SLC29A3: variants seen among roughly 807,000 people sequenced by gnomAD.
SLC29A3 encodes solute carrier family 29 member 3.
In SLC29A3, 18 loss-of-function variants were observed where a neutral mutation model predicts 25.4. The observed-to-expected ratio is 0.71, with a 90% CI of 0.49 to 1.05. SLC29A3 has a LOEUF of 1.05. Ranked by LOEUF, SLC29A3 falls within the 50% of genes least tolerant of loss-of-function variation. The pLI, the probability that SLC29A3 is intolerant of heterozygous loss-of-function variation, is 0.00. For missense variants in SLC29A3, 586 were observed against 609.0 expected (o/e 0.96, Z 0.40); for synonymous variants, 258 against 267.1 (o/e 0.97, Z 0.33).
chr10:71,342,426 A>C (rs373929306), intron 2 of SLC29A3, among the ~76,000 whole-genome samples: 12 of 152,376 alleles, frequency 7.9e-5, no homozygotes, highest in Admixed American at 5.2e-4. Context: ...CCAGTGGTCA[A>C]TATCCAAAAA....
At chr10:71,381,263 G>A (rs1417208) in exon 5 of SLC29A3, 34,702 of 152,074 alleles carry the variant, frequency 0.23, 4,050 homozygotes, top group Middle Eastern at 0.28. Flanking sequence ...TCTGCTGGGG[G>A]ATGTTGATAC....
At chr10:71,371,555 T>A (rs1165513563) in intron 3 of SLC29A3, among the ~76,000 whole-genome samples, 1 of 152,216 alleles carries the variant, frequency 6.6e-6, no homozygotes, top group Non-Finnish European at 1.5e-5. Context: ...CAAGCTACAG[T>A]GACCCGTCCT....
chr10:71,327,093 A>T (rs1208893843), intron 2 of SLC29A3, among the ~76,000 whole-genome samples: 1 of 152,180 alleles, frequency 6.6e-6, no homozygotes, highest in Non-Finnish European at 1.5e-5. Context: ...CACCACCTGC[A>T]ACTCAATTAG....
intron 2 of SLC29A3, among the ~76,000 whole-genome samples, chr10:71,331,248 A>C (rs542549568): frequency 9.9e-5 from 15 of 152,156 alleles, no homozygotes; most frequent in Non-Finnish European, 1.9e-4. Flanking sequence ...TTTGTCCTTG[A>C]GTTTGACCTT....
chr10:71,321,076 G>A (rs1011547494), intron 1 of SLC29A3, among the ~76,000 whole-genome samples: 1 of 152,184 alleles, frequency 6.6e-6, no homozygotes, highest in African/African-American at 2.4e-5. Context: ...TTAGGCTGTT[G>A]TCAGCCTCAA....
At chr10:71,378,573 C>G (rs1847278668) in intron 4 of SLC29A3, among the ~76,000 whole-genome samples, 1 of 152,202 alleles carries the variant, frequency 6.6e-6, no homozygotes, top group African/African-American at 2.4e-5. Context: ...TAGTCCCAAA[C>G]CAGCAGCAAA....
At chr10:71,319,504 T>C (rs1409457802) in intron 1 of SLC29A3, 194 bp downstream of exon 1, 1 of 422,514 alleles carries the variant, frequency 2.4e-6, no homozygotes, top group Non-Finnish European at 4.2e-6. Flanking sequence ...TCTTTCTGGG[T>C]CTCTATCTTC....
intron 5 of SLC29A3, among the ~76,000 whole-genome samples, chr10:71,356,500 C>T (rs564797758): frequency 3.3e-5 from 5 of 152,282 alleles, no homozygotes; most frequent in Non-Finnish European, 7.3e-5. Context: ...GCGCTGTGTT[C>T]CTGCGAGCTT....
intron 4 of SLC29A3, among the ~76,000 whole-genome samples, chr10:71,354,357 G>T (rs1846841201): frequency 6.6e-6 from 1 of 152,210 alleles, no homozygotes. Flanking sequence ...GGACTCGGAT[G>T]TTTTGATTCT....
At chr10:71,364,471 AT>A (rs1356382510), downstream of SLC29A3, 7 of 152,244 alleles carry the variant, frequency 4.6e-5, no homozygotes, top group African/African-American at 1.7e-4. Context: ...CCAAAAGCCT[AT>A]TCCTTGGAAA....
At position 71,344,211 on chromosome 10, in the gene SLC29A3, C is replaced by T; in HGVS notation, c.303C>T (p.Asn101=). ...GEDPEGSDIL[N]YFESYLAVAS... ...CCTCCTCACTTGTGTGCTTGCAGAA[C>T]TACTTTGAGAGCTACCTTGCCGTTG... The change falls in exon 3 of 6, where the codon AAC becomes AAT. Residue 101 remains asparagine, a splice_region_variant and synonymous_variant. Coordinates refer to ENST00000373189, the MANE Select transcript of SLC29A3 (RefSeq NM_018344.6). 1 of 1,613,974 alleles carries T rather than the reference C, an allele frequency of 6.2e-7. No homozygotes were observed. The highest frequency in any genetic ancestry group is 8.5e-7 in the Non-Finnish European group (1 of 1,179,850).
downstream of SLC29A3, among the ~76,000 whole-genome samples, chr10:71,366,950 C>T (rs1472774268): frequency 6.6e-6 from 1 of 152,182 alleles, no homozygotes. Context: ...TTCACCCACT[C>T]GCTGAGGCTG....
chr10:71,356,129 T>G lies in SLC29A3; in HGVS notation c.659T>G (p.Leu220Trp). 3 of 1,614,196 alleles carry G rather than the reference T, an allele frequency of 1.9e-6. No individual in the cohort carries two copies. Among genetic ancestry groups the G allele is most frequent in the Non-Finnish European group, 2.5e-6 (3 of 1,180,038 alleles). Residue 220 changes from leucine to tryptophan, a missense_variant, in exon 5 of 6, where the codon TTG becomes TGG. Coordinates refer to ENST00000373189, the MANE Select transcript of SLC29A3 (RefSeq NM_018344.6). ...TVSAVASLVDLAASSDVRNSA... is the reference protein window; with the variant it reads ...TVSAVASLVDWAASSDVRNSA... Reference sequence around the variant, plus strand: ...AGCGCCGTGGCCTCATTGGTGGACTTGGCTGCATCCAGTGATGTGAGGAAC... The same window carrying G: ...AGCGCCGTGGCCTCATTGGTGGACTGGGCTGCATCCAGTGATGTGAGGAAC...
intron 3 of SLC29A3, among the ~76,000 whole-genome samples, chr10:71,371,714 G>A (rs988921816): frequency 1.3e-5 from 2 of 152,190 alleles, no homozygotes; most frequent in African/African-American, 4.8e-5. Context: ...CTGTGTCTCT[G>A]TTTCCTTATC....
chr10:71,374,927 G>A (rs753568889), intron 3 of SLC29A3, among the ~76,000 whole-genome samples: 3 of 152,048 alleles, frequency 2.0e-5, no homozygotes, highest in African/African-American at 4.8e-5. Context: ...GCTGCTCCCC[G>A]CTTGCTTCTT....
intron 1 of SLC29A3, 135 bp downstream of exon 1, chr10:71,319,445 G>T: frequency 4.2e-6 from 2 of 470,872 alleles, no homozygotes; most frequent in South Asian, 6.5e-5. Flanking sequence ...CCCCATCCGT[G>T]GTCCCTTCCC....
In SLC29A3 at chr10:71,344,282, T is replaced by A. The variant is rs1846502655; in HGVS notation, c.374T>A (p.Leu125His). The change falls in exon 3 of 6, where the codon CTT (leucine) becomes CAT (histidine). Residue 125 changes from leucine (L) to histidine (H), a missense_variant. Coordinates refer to ENST00000373189, the MANE Select transcript of SLC29A3 (RefSeq NM_018344.6). Reference sequence around the variant, plus strand: ...CTGTGCCTGGTGGCCAACTTCCTGCTTGTCAACAGGTAGGCGACTCTCTTC... The same window carrying A: ...CTGTGCCTGGTGGCCAACTTCCTGCATGTCAACAGGTAGGCGACTCTCTTC... ...SMLCLVANFL[L>H]VNRVAVHIRV... 6.2e-7 allele frequency: 1 copy of A among 1,613,830 alleles called. No homozygotes were observed. The highest frequency in any genetic ancestry group is 1.3e-5 in the African/African-American group (1 of 75,042).
At chr10:71,361,773 G>A (rs1847059357) in intron 5 of SLC29A3, among the ~76,000 whole-genome samples, 181 bp from the exon 6 acceptor site, 2 of 152,324 alleles carry the variant, frequency 1.3e-5, no homozygotes, top group Admixed American at 1.3e-4. Context: ...GACAACGCAG[G>A]CCTTCCCCTG....
At chr10:71,328,493 G>A (rs899554392) in intron 2 of SLC29A3, among the ~76,000 whole-genome samples, 2 of 152,172 alleles carry the variant, frequency 1.3e-5, no homozygotes, top group Non-Finnish European at 2.9e-5. Context: ...TGCAGCACCC[G>A]TAGGTCAGGA....
Sources: allele counts gnomAD v4.1 joint callset (sites outside exome capture counted in the v4.1 genomes callset), GRCh38; gene constraint gnomAD v4.1.1; transcripts MANE v1.5; gene names NCBI Gene and HGNC (gene_info 2026-07-23, HGNC 2026-07-21).